The following CTNNAL1 variants were observed in gnomAD, a reference collection of about 807,000 sequenced individuals.
CTNNAL1 encodes the protein catenin alpha like 1.
In CTNNAL1, 69 loss-of-function variants were observed where a neutral mutation model predicts 93.6. The ratio of observed to expected loss-of-function variants is 0.74; its 90% CI spans 0.61 to 0.90. The LOEUF (loss-of-function observed/expected upper bound fraction) is 0.90, where lower values mean the gene tolerates loss of function less well. Ranked by LOEUF, CTNNAL1 falls within the 40% of genes least tolerant of loss-of-function variation. The pLI, the probability that CTNNAL1 is intolerant of heterozygous loss-of-function variation, is 0.00. For synonymous variants in CTNNAL1, 286 were observed against 305.4 expected, an observed-to-expected ratio of 0.94 and a Z score of 0.66; for missense variants, 836 against 862.0, an observed-to-expected ratio of 0.97 and a Z score of 0.38.
intron 1 of CTNNAL1, among the ~76,000 whole-genome samples, chr9:109,011,777 A>G (rs1226921266): frequency 6.6e-6 from 1 of 152,264 alleles, no homozygotes; most frequent in Non-Finnish European, 1.5e-5. Context: ...CCATACCACG[A>G]GAATATATAC....
chr9:108,942,889 AAATT>A, intron 18 of CTNNAL1, 55 bp from the exon 19 acceptor site: 1 of 1,610,480 alleles, frequency 6.2e-7, no homozygotes. Flanking sequence ...AAAAATTACA[AAATT>A]AAGTAGTAAC....
intron 15 of CTNNAL1, among the ~76,000 whole-genome samples, chr9:108,945,962 C>G (rs1364629596): frequency 6.6e-6 from 1 of 152,050 alleles, no homozygotes; most frequent in African/African-American, 2.4e-5. Context: ...CAGAAAATGG[C>G]ACTACCACTC....
At chr9:108,989,919 T>C (rs1191383865) in intron 4 of CTNNAL1, among the ~76,000 whole-genome samples, 1 of 151,950 alleles carries the variant, frequency 6.6e-6, no homozygotes, top group Non-Finnish European at 1.5e-5. Context: ...GGCGTGGTGG[T>C]GCATGCCTGT....
chr9:108,980,603 G>A (rs1831399731), intron 6 of CTNNAL1, among the ~76,000 whole-genome samples: 1 of 152,140 alleles, frequency 6.6e-6, no homozygotes, highest in Non-Finnish European at 1.5e-5. Context: ...CCCAAGTTGT[G>A]TCAGGTGATC....
chr9:108,984,477 T>C (rs753883413), intron 4 of CTNNAL1, 41 bp from the exon 5 acceptor site: 1 of 1,102,042 alleles, frequency 9.1e-7, no homozygotes, highest in Admixed American at 1.8e-5. Context: ...TAAGACCATG[T>C]GAACAACCCA....
chr9:108,968,276 T>G (rs1335573407), intron 10 of CTNNAL1, among the ~76,000 whole-genome samples: 1 of 152,204 alleles, frequency 6.6e-6, no homozygotes, highest in Non-Finnish European at 1.5e-5. Flanking sequence ...CCTTAAATTA[T>G]CCTTTTGTGA....
intron 11 of CTNNAL1, among the ~76,000 whole-genome samples, chr9:108,962,300 G>A (rs928739453): frequency 1.3e-5 from 2 of 152,106 alleles, no homozygotes; most frequent in African/African-American, 4.8e-5. Flanking sequence ...TAATAGTCAC[G>A]GGCCTCTGAA....
chr9:109,005,429 T>C (rs116640992), intron 1 of CTNNAL1, among the ~76,000 whole-genome samples: 4,164 of 152,208 alleles, frequency 0.027, 196 homozygotes, highest in African/African-American at 0.096. Flanking sequence ...TAACCCCCAA[T>C]GTGATGGTAT....
In CTNNAL1 at chr9:108,979,431, G is replaced by A; in HGVS notation, c.951C>T (p.Asn317=). 6.2e-7 allele frequency: 1 copy of A among 1,613,982 alleles called. No individual in the cohort carries two copies. The highest frequency in any genetic ancestry group is 8.5e-7 in the Non-Finnish European group (1 of 1,179,976). Residue 317 remains asparagine (N), a synonymous_variant, in exon 7 of 19, where the codon AAC becomes AAT. Coordinates refer to ENST00000325551, the MANE Select transcript of CTNNAL1 (RefSeq NM_003798.4). ...RENLYFQSKE[N]LSVTLEVILE... ...AGATGACTTCCAATGTCACAGAAAG[G>A]TTCTCTTTGGACTGAAAATAAAGAT...
intron 8 of CTNNAL1, 31 bp from the exon 9 acceptor site, chr9:108,972,864 G>GGCCCCCCCCCC: frequency 3.0e-4 from 43 of 142,336 alleles, no homozygotes; most frequent in Non-Finnish European, 4.0e-4. Context: ...GGGGGGGTGG[G>GGCCCCCCCCCC]AGGGTGGAGA....
rs148382737 is a variant in CTNNAL1 at position 108,953,926 on chromosome 9, T to C, written c.1630-1432A>G. On this transcript the variant is annotated intron_variant, in intron 12 of 18. Transcript: ENST00000325551. ...GTCACATCATCTTTATCTCCATCCT[T>C]GGTCTAGTTGACTATAAGGCAACTG... 2.0e-3 allele frequency among the ~76,000 whole-genome samples: 304 copies of C among 152,296 alleles called. 1 individual carries two copies. The highest frequency in any genetic ancestry group is 3.3e-3 in the South Asian group (16 of 4,826).
intron 11 of CTNNAL1, among the ~76,000 whole-genome samples, chr9:108,962,705 T>C (rs1830850969): frequency 1.3e-5 from 2 of 152,196 alleles, no homozygotes. Flanking sequence ...CCTAATGTTT[T>C]CTCATAAACT....
intron 8 of CTNNAL1, among the ~76,000 whole-genome samples, chr9:108,975,154 C>G (rs1831230554): frequency 6.6e-6 from 1 of 152,004 alleles, no homozygotes; most frequent in Non-Finnish European, 1.5e-5. Flanking sequence ...CAGAGTGAGA[C>G]TCTATCTCAA....
At chr9:109,002,892 C>A (rs1237717712) in intron 1 of CTNNAL1, among the ~76,000 whole-genome samples, 1 of 151,698 alleles carries the variant, frequency 6.6e-6, no homozygotes, top group Non-Finnish European at 1.5e-5. Flanking sequence ...TCTCGAGAGG[C>A]TGAGGCAAGA....
chr9:108,980,677 T>C (rs1017292859), intron 6 of CTNNAL1, among the ~76,000 whole-genome samples: 10 of 152,136 alleles, frequency 6.6e-5, no homozygotes, highest in African/African-American at 2.4e-4. Context: ...AATAGTAAGG[T>C]ATGGAATTTA....
At chr9:109,008,152 CTTTTTTTTTTTT>C (rs149753320) in intron 1 of CTNNAL1, among the ~76,000 whole-genome samples, 2 of 85,292 alleles carry the variant, frequency 2.3e-5, no homozygotes, top group Admixed American at 1.6e-4. Context: ...ATCCATCTTT[CTTTTTTTTTTTT>C]TTTTTTTTTT....
chr9:108,957,769 C>T (rs1830719725), intron 11 of CTNNAL1, among the ~76,000 whole-genome samples: 1 of 152,064 alleles, frequency 6.6e-6, no homozygotes, highest in Admixed American at 6.6e-5. Context: ...AGTCTGAATC[C>T]TGTCCATAAT....
Position 108,992,950 on chromosome 9 carries a change from G to A in CTNNAL1, c.332-131C>T, listed in dbSNP as rs558057106. The A allele has an allele frequency of 6.0e-5, 59 of 984,842 alleles. No homozygotes were observed. The South Asian group carries it at 1.1e-3, about 18-fold the overall frequency. The allele number at this position is 984,842 out of a possible 1,614,324, so 61.0% of individuals were successfully genotyped here. A position where few individuals can be genotyped will look rare whatever the true frequency, so the allele number is the denominator to read the frequency against. On this transcript the variant is annotated intron_variant, in intron 2 of 18. Coordinates refer to ENST00000325551, the MANE Select transcript of CTNNAL1 (RefSeq NM_003798.4). ...GAGTCTTACTTCAGGAACAAGAAAC[G>A]GTTTCACCTTGACGATTGTAGGGAT...
chr9:108,963,457 AAC>A (rs977538696), intron 11 of CTNNAL1: 2 of 152,256 alleles, frequency 1.3e-5, no homozygotes, highest in Admixed American at 1.3e-4. Flanking sequence ...CAAGAATGAA[AAC>A]ACAAACCTCT....
Sources: allele counts gnomAD v4.1 joint callset (sites outside exome capture counted in the v4.1 genomes callset), GRCh38; gene constraint gnomAD v4.1.1; transcripts MANE v1.5; gene names NCBI Gene and HGNC (gene_info 2026-07-23, HGNC 2026-07-21).